Variants in SAMMSON observed in about 807,000 individuals in gnomAD.
SAMMSON encodes long intergenic non-protein coding RNA 1212.
At chr3:70,191,676 A>T (rs570678403) in intron 4 of SAMMSON, among the ~76,000 whole-genome samples, 26 of 152,270 alleles carry the variant, frequency 1.7e-4, no homozygotes, top group African/African-American at 6.0e-4. Context: ...TTTTTCTTTG[A>T]TATAGCCATA....
chr3:70,290,888 G>A (rs144795557), intron 6 of SAMMSON, among the ~76,000 whole-genome samples: 2,043 of 152,254 alleles, frequency 0.013, 35 homozygotes, highest in African/African-American at 0.046. Flanking sequence ...TGCGCTTCCC[G>A]AGTGAGGCAA....
At chr3:70,375,833 T>G (rs1288870458) in intron 9 of SAMMSON, among the ~76,000 whole-genome samples, 2 of 152,178 alleles carry the variant, frequency 1.3e-5, no homozygotes, top group African/African-American at 4.8e-5. Context: ...TTCACTGTTT[T>G]GGGCCCTCTC....
At chr3:70,192,106 G>A (rs191607200) in intron 4 of SAMMSON, among the ~76,000 whole-genome samples, 1 of 152,144 alleles carries the variant, frequency 6.6e-6, no homozygotes, top group East Asian at 1.9e-4. Context: ...TTTAGTAGAT[G>A]GCATTGCAAT....
chr3:70,080,495 A>G (rs2067263981), intron 4 of SAMMSON, among the ~76,000 whole-genome samples: 3 of 152,190 alleles, frequency 2.0e-5, no homozygotes, highest in Non-Finnish European at 4.4e-5. Flanking sequence ...AGAAATGGTG[A>G]TGAGACAGAT....
intron 6 of SAMMSON, among the ~76,000 whole-genome samples, chr3:70,285,938 A>T (rs1702157765): frequency 6.6e-6 from 1 of 150,772 alleles, no homozygotes; most frequent in African/African-American, 2.4e-5. Flanking sequence ...GTTTGAGTTC[A>T]TTGTAGATTC....
chr3:70,385,867 C>G (rs1052932383), intron 9 of SAMMSON, among the ~76,000 whole-genome samples: 1 of 152,020 alleles, frequency 6.6e-6, no homozygotes, highest in East Asian at 1.9e-4. Flanking sequence ...CCTGTGGATG[C>G]TGGTAAAGAT....
chr3:70,389,917 G>A (rs561297649), downstream of SAMMSON: 1 of 152,272 alleles, frequency 6.6e-6, no homozygotes, highest in East Asian at 1.9e-4. Flanking sequence ...TGGAGACAAT[G>A]AGTACAAATA....
chr3:70,365,253 T>G (rs569601125), intron 9 of SAMMSON, among the ~76,000 whole-genome samples: 1 of 151,698 alleles, frequency 6.6e-6, no homozygotes, highest in East Asian at 1.9e-4. Context: ...TATTGGCAAA[T>G]GGTATTAAAA....
chr3:70,044,025 T>G (rs2067115010), intron 3 of SAMMSON, among the ~76,000 whole-genome samples: 1 of 152,108 alleles, frequency 6.6e-6, no homozygotes, highest in Admixed American at 6.6e-5. Flanking sequence ...AATCTTGGCA[T>G]AGGGAAGATA....
chr3:70,131,974 C>T (rs1417762242), intron 4 of SAMMSON, among the ~76,000 whole-genome samples: 1 of 152,016 alleles, frequency 6.6e-6, no homozygotes, highest in Non-Finnish European at 1.5e-5. Flanking sequence ...AAATAAAATT[C>T]CAAGCTTCCC....
At chr3:70,050,671 T>C (rs568267137) in intron 3 of SAMMSON, among the ~76,000 whole-genome samples, 1 of 152,270 alleles carries the variant, frequency 6.6e-6, no homozygotes, top group South Asian at 2.1e-4. Flanking sequence ...GGATCTGTCT[T>C]GGTCAACTTT....
intron 8 of SAMMSON, among the ~76,000 whole-genome samples, chr3:70,357,792 C>A (rs1702840617): frequency 6.6e-6 from 1 of 152,068 alleles, no homozygotes; most frequent in African/African-American, 2.4e-5. Context: ...GAAAGTGACA[C>A]ATAAGTGATT....
chr3:70,116,292 CTTTTT>C (rs57252778), intron 4 of SAMMSON, among the ~76,000 whole-genome samples: 2 of 118,216 alleles, frequency 1.7e-5, no homozygotes, highest in South Asian at 2.9e-4. Flanking sequence ...GCGATGCTTT[CTTTTT>C]TTTTTTTTTT....
intron 2 of SAMMSON, among the ~76,000 whole-genome samples, chr3:70,423,570 A>G (rs745515701): frequency 1.3e-5 from 2 of 152,098 alleles, no homozygotes; most frequent in East Asian, 1.9e-4. Flanking sequence ...TCTCTCAGCT[A>G]TAAGTACCAG....
intron 7 of SAMMSON, among the ~76,000 whole-genome samples, chr3:70,323,125 T>C (rs1346040660): frequency 2.0e-5 from 3 of 152,082 alleles, no homozygotes; most frequent in African/African-American, 4.8e-5. Context: ...AGTACAAAGC[T>C]CTTTCTCTTG....
intron 3 of SAMMSON, chr3:70,069,983 T>C (rs1309745315): frequency 6.6e-6 from 1 of 152,084 alleles, no homozygotes; most frequent in Non-Finnish European, 1.5e-5. Context: ...TCTGAGTCAA[T>C]TGAAGGATGT....
In SAMMSON at chr3:70,016,110, C is replaced by T. The variant is rs534111995; in HGVS notation, n.417+2438C>T. ...GGGATTGCTGGGTCAAATGGTATTTCTAGTTCTAGATCCCTGAGGAATTGC... is the reference window on the plus strand; with the variant it reads ...GGGATTGCTGGGTCAAATGGTATTTTTAGTTCTAGATCCCTGAGGAATTGC... On this transcript the variant is annotated intron_variant and non_coding_transcript_variant, in intron 3 of 9. Transcript: ENST00000642114. Among the ~76,000 whole-genome samples, 4 of 152,276 alleles carry T rather than the reference C, an allele frequency of 2.6e-5. No individual in the cohort carries two copies. In the East Asian group the frequency reaches 7.7e-4, roughly 29 times the overall value.
At chr3:70,332,638 CAG>C (rs1305509336) in intron 7 of SAMMSON, 1 of 152,362 alleles carries the variant, frequency 6.6e-6, no homozygotes, top group Non-Finnish European at 1.5e-5. Flanking sequence ...CTCTGACCCC[CAG>C]GCTGGAGTGC....
At chr3:70,316,589 G>T (rs572574788) in intron 7 of SAMMSON, among the ~76,000 whole-genome samples, 3 of 151,972 alleles carry the variant, frequency 2.0e-5, no homozygotes, top group African/African-American at 7.2e-5. Context: ...ATCAAATATT[G>T]CACATTAAAA....
Sources: allele counts gnomAD v4.1 joint callset (sites outside exome capture counted in the v4.1 genomes callset), GRCh38; gene constraint gnomAD v4.1.1; transcripts MANE v1.5; gene names NCBI Gene and HGNC (gene_info 2026-07-23, HGNC 2026-07-21).